Variants in NPAS2 observed in about 807,000 individuals in gnomAD.
NPAS2 encodes the protein neuronal PAS domain-containing protein 2.
In NPAS2, 23 loss-of-function variants were observed where a neutral mutation model predicts 107.5. The ratio of observed to expected loss-of-function variants is 0.21; its 90% CI spans 0.15 to 0.30. The LOEUF (loss-of-function observed/expected upper bound fraction) is 0.30. Among genes scored for constraint, NPAS2 ranks in the 10% least tolerant of loss-of-function variants. The pLI is 1.00. For missense variants in NPAS2, 756 were observed against 1,043.3 expected (o/e 0.72, Z 3.79); for synonymous variants, 403 against 417.5 (o/e 0.97, Z 0.42).
rs760039687 is a variant in NPAS2 at position 100,990,848 on chromosome 2, TCAG to T, written c.2091_2093del (p.Ser697del). On this transcript the variant is annotated inframe_deletion, in exon 19 of 21. Transcript: ENST00000335681. ...TGTGACGCAAGGCAGCCCTCGGAAG[TCAG>T]CAGGACGGGACGGCAAGTCAAGTAC... is the stretch of plus-strand genomic sequence containing the variant. 1.2e-6 allele frequency: 2 copies of T among 1,614,038 alleles called. No individual in the cohort carries two copies. Among genetic ancestry groups the T allele is most frequent in the East Asian group, 4.5e-5 (2 of 44,866 alleles).
At chr2:100,955,738 A>G (rs938162854) in intron 7 of NPAS2, among the ~76,000 whole-genome samples, 2 of 150,960 alleles carry the variant, frequency 1.3e-5, no homozygotes, top group African/African-American at 4.9e-5. Flanking sequence ...GGCTCTGTGC[A>G]CTCCCCACCC....
At chr2:100,890,072 T>G (rs1434373200) in intron 1 of NPAS2, among the ~76,000 whole-genome samples, 4 of 152,166 alleles carry the variant, frequency 2.6e-5, no homozygotes, top group African/African-American at 9.6e-5. Flanking sequence ...GGGAGTGAAA[T>G]GGGCACCCTC....
At chr2:100,960,956 C>T (rs990202600) in intron 7 of NPAS2, among the ~76,000 whole-genome samples, 5 of 152,044 alleles carry the variant, frequency 3.3e-5, no homozygotes, top group African/African-American at 1.2e-4. Flanking sequence ...ATTTAGCTTT[C>T]GGCAAGAGTA....
At position 100,956,284 on chromosome 2, in the gene NPAS2, C is replaced by T. The variant is rs144893777; in HGVS notation, c.598+6804C>T. Among the ~76,000 whole-genome samples, 121 of 152,228 alleles carry T rather than the reference C, an allele frequency of 7.9e-4. No individual in the cohort carries two copies. In the East Asian group the frequency reaches 0.013, roughly 17 times the overall value. On this transcript the variant is annotated intron_variant, in intron 7 of 20. Transcript: ENST00000335681. ...CTGCCTGACGCTGAGGTTTGCAGTA[C>T]CAATAATCCTGTCACCCAAGCAGTG... is the stretch of plus-strand genomic sequence containing the variant.
chr2:100,834,050 G>C (rs1676905716), intron 1 of NPAS2, among the ~76,000 whole-genome samples: 1 of 152,160 alleles, frequency 6.6e-6, no homozygotes, highest in African/African-American at 2.4e-5. Flanking sequence ...GTAAAAACTA[G>C]AGGCTCAGAA....
chr2:100,831,807 C>T (rs1018877778), intron 1 of NPAS2, among the ~76,000 whole-genome samples: 7 of 113,934 alleles, frequency 6.1e-5, no homozygotes, highest in Middle Eastern at 3.7e-3. Flanking sequence ...AGGGGAAGCA[C>T]GGGACCCCTG....
intron 12 of NPAS2, among the ~76,000 whole-genome samples, chr2:100,974,388 G>A (rs1676822459): frequency 6.6e-6 from 1 of 152,144 alleles, no homozygotes; most frequent in Non-Finnish European, 1.5e-5. Flanking sequence ...AGCCTGGGAA[G>A]GACCCAGGAA....
chr2:100,835,988 C>A (rs1216050667), intron 1 of NPAS2, among the ~76,000 whole-genome samples: 2 of 152,306 alleles, frequency 1.3e-5, no homozygotes, highest in Admixed American at 1.3e-4. Flanking sequence ...CTCGGTTTGA[C>A]TCCTGGGGAG....
chr2:100,993,001 C>T (rs891819275), intron 19 of NPAS2, among the ~76,000 whole-genome samples: 1 of 150,778 alleles, frequency 6.6e-6, no homozygotes, highest in African/African-American at 2.4e-5. Context: ...GTGATCTCGG[C>T]TCACTACAGT....
At chr2:100,974,681 A>G (rs1174268273) in intron 12 of NPAS2, 122 bp from the exon 13 acceptor site, 4 of 1,109,796 alleles carry the variant, frequency 3.6e-6, no homozygotes, top group East Asian at 2.5e-5. Context: ...ATCGTCCCCA[A>G]ACAACTATGG....
intron 4 of NPAS2, among the ~76,000 whole-genome samples, chr2:100,935,421 A>G (rs938661802): frequency 6.6e-6 from 1 of 152,178 alleles, no homozygotes; most frequent in Admixed American, 6.5e-5. Context: ...CAAAATCACC[A>G]TTCCATGGAT....
chr2:100,964,845 T>C lies in NPAS2; in HGVS notation c.718-16T>C, dbSNP rs773364047. 3.8e-6 allele frequency: 6 copies of C among 1,567,356 alleles called. No homozygotes were observed. In the Admixed American group the frequency reaches 6.0e-5, roughly 16 times the overall value. Reference sequence around the variant, plus strand: ...GCACCCAAGCAACTTTTTTTTTTTTTCTGCTTCCAATACAGGAAATGTGCA... The same window carrying C: ...GCACCCAAGCAACTTTTTTTTTTTTCCTGCTTCCAATACAGGAAATGTGCA... On this transcript the variant is annotated splice_polypyrimidine_tract_variant and intron_variant, in intron 8 of 20. Coordinates refer to ENST00000335681, the MANE Select transcript of NPAS2 (RefSeq NM_002518.4).
rs3042733 is a variant in NPAS2, at chr2:100,861,035, A to ATTT, written c.-23+40633_-23+40635dup. Among the ~76,000 whole-genome samples, 53 of 143,878 alleles carry ATTT rather than the reference A, an allele frequency of 3.7e-4. 1 individual carries two copies. The highest frequency in any genetic ancestry group is 1.2e-3 in the African/African-American group (46 of 39,400). The allele number at this position is 143,878 out of a possible 152,430, so 94.4% of individuals were successfully genotyped here. ...AGGTACACACCACCACCCCCAGCTA[A>ATTT]TTTTTTTTTTTTTTGAAGACGAGGT... On this transcript the variant is annotated intron_variant, in intron 1 of 20. Coordinates refer to ENST00000335681, the MANE Select transcript of NPAS2 (RefSeq NM_002518.4).
At chr2:100,861,494 G>A (rs1678937752) in intron 1 of NPAS2, among the ~76,000 whole-genome samples, 1 of 152,130 alleles carries the variant, frequency 6.6e-6, no homozygotes, top group Non-Finnish European at 1.5e-5. Context: ...GGGAGGAGGG[G>A]AGCCGCCTTG....
At chr2:100,903,949 C>T (rs950494344) in intron 1 of NPAS2, among the ~76,000 whole-genome samples, 1 of 152,140 alleles carries the variant, frequency 6.6e-6, no homozygotes, top group African/African-American at 2.4e-5. Flanking sequence ...GCCTGAGAAG[C>T]ATCAAGCCAG....
chr2:100,886,188 G>A (rs1680688528), intron 1 of NPAS2, among the ~76,000 whole-genome samples: 1 of 152,128 alleles, frequency 6.6e-6, no homozygotes, highest in Middle Eastern at 3.2e-3. Context: ...GTGAGGGTGG[G>A]TGGGAATCCA....
chr2:100,931,387 C>T (rs945800951), intron 3 of NPAS2, among the ~76,000 whole-genome samples: 6 of 152,120 alleles, frequency 3.9e-5, no homozygotes, highest in African/African-American at 1.4e-4. Flanking sequence ...TCTGACATCT[C>T]GAAGGAAGGA....
At chr2:100,849,883 A>G (rs1678036108) in intron 1 of NPAS2, among the ~76,000 whole-genome samples, 1 of 152,122 alleles carries the variant, frequency 6.6e-6, no homozygotes, top group South Asian at 2.1e-4. Context: ...GGGAGAAATT[A>G]TGCTGTAATG....
Position 100,974,856 on chromosome 2 carries a change from T to G in NPAS2, c.1194T>G (p.Gly398=), listed in dbSNP as rs761854568. 5.6e-6 allele frequency: 9 copies of G among 1,614,014 alleles called. No individual in the cohort carries two copies. The African/African-American group carries it at 6.7e-5, about 12-fold the overall frequency. Residue 398 remains glycine (G), a synonymous_variant, in exon 13 of 21, where the codon GGT becomes GGG. Transcript: ENST00000335681. ...PRQHFNTLDV[G]ASGLNTSHSP... Reference sequence around the variant, plus strand: ...AGCACTTTAACACACTCGACGTGGGTGCCTCGGGCCTTAATACCAGTCATT... The same window carrying G: ...AGCACTTTAACACACTCGACGTGGGGGCCTCGGGCCTTAATACCAGTCATT...
Sources: gnomAD v4.1 joint callset for allele counts (sites outside exome capture counted in the v4.1 genomes callset) on GRCh38, gnomAD v4.1.1 for gene constraint, MANE v1.5 for transcripts, NCBI Gene and HGNC (gene_info 2026-07-23, HGNC 2026-07-21) for gene names.